Variants in WWOX observed in about 807,000 individuals in gnomAD.
The protein encoded by WWOX is WW domain containing oxidoreductase.
A neutral mutation model predicts 46.2 loss-of-function variants in WWOX; 69 were observed. The observed-to-expected ratio is 1.49, with a 90% CI of 1.23 to 1.82. WWOX has a LOEUF of 1.82. Ranked by LOEUF, WWOX falls within the 40% of genes most tolerant of loss-of-function variation. The probability of loss-of-function intolerance (pLI) is 0.00; values close to 1 mark genes in which losing one functional copy is unlikely to be tolerated. For synonymous variants in WWOX, 359 were observed against 202.6 expected, an observed-to-expected ratio of 1.77 and a Z score of -6.56; for missense variants, 919 against 542.6, an observed-to-expected ratio of 1.69 and a Z score of -6.89.
At chr16:78,881,827 T>A (rs2044348899) in intron 8 of WWOX, among the ~76,000 whole-genome samples, 1 of 152,200 alleles carries the variant, frequency 6.6e-6, no homozygotes, top group Admixed American at 6.5e-5. Context: ...CTTCTCGAAT[T>A]AGAAGAACTG....
chr16:78,657,708 T>G (rs2047113142), intron 8 of WWOX, among the ~76,000 whole-genome samples: 1 of 152,202 alleles, frequency 6.6e-6, no homozygotes, highest in African/African-American at 2.4e-5. Flanking sequence ...CACATTGCCT[T>G]TTCTAGCTTG....
At chr16:78,774,533 C>T (rs62038596) in intron 8 of WWOX, among the ~76,000 whole-genome samples, 26,287 of 118,662 alleles carry the variant, frequency 0.22, 2,375 homozygotes, top group Middle Eastern at 0.27. Context: ...TGTGTGTGTG[C>T]GCGTGCGCAC....
At chr16:78,571,919 G>T (rs1038727252) in intron 8 of WWOX, among the ~76,000 whole-genome samples, 1 of 152,166 alleles carries the variant, frequency 6.6e-6, no homozygotes, top group African/African-American at 2.4e-5. Context: ...ACACTCACCA[G>T]ATTGGCAAAA....
chr16:78,657,231 T>A (rs2047102004), intron 8 of WWOX, among the ~76,000 whole-genome samples: 1 of 151,980 alleles, frequency 6.6e-6, no homozygotes, highest in Admixed American at 6.6e-5. Flanking sequence ...TCACCCCTTT[T>A]GTTTTCATTG....
At chr16:78,524,608 A>G (rs1597210634) in intron 8 of WWOX, among the ~76,000 whole-genome samples, 1 of 151,716 alleles carries the variant, frequency 6.6e-6, no homozygotes, top group East Asian at 1.9e-4. Context: ...TTTAGTAAAG[A>G]CGGGGTTTCA....
At chr16:78,827,107 A>G (rs1029432131) in intron 8 of WWOX, among the ~76,000 whole-genome samples, 2 of 152,122 alleles carry the variant, frequency 1.3e-5, no homozygotes, top group Non-Finnish European at 2.9e-5. Context: ...TCTCCTCTCC[A>G]GAACTCCAGG....
chr16:78,222,651 C>T (rs1056436186), intron 5 of WWOX, among the ~76,000 whole-genome samples: 1 of 152,134 alleles, frequency 6.6e-6, no homozygotes, highest in East Asian at 1.9e-4. Flanking sequence ...TATTTATAGC[C>T]CTGGCGAGGC....
chr16:78,459,250 C>T (rs963946248), intron 8 of WWOX, among the ~76,000 whole-genome samples: 1 of 152,202 alleles, frequency 6.6e-6, no homozygotes, highest in African/African-American at 2.4e-5. Context: ...CGTAAGTTCA[C>T]ACTGAAAGAG....
rs144718000 is a variant in WWOX, at chr16:79,207,805, A to G, written c.1057-3803A>G. Among the ~76,000 whole-genome samples, 26 of 151,820 alleles carry G rather than the reference A, an allele frequency of 1.7e-4. No individual in the cohort carries two copies. In the East Asian group the frequency reaches 4.5e-3, roughly 26 times the overall value. On this transcript the variant is annotated intron_variant, in intron 8 of 8. Coordinates refer to ENST00000566780, the MANE Select transcript of WWOX (RefSeq NM_016373.4). ...TGTGGGTGCTTTTTTTTTCTTTACC[A>G]TATATTGTTTATCAGAAACCTCTGT...
chr16:78,366,543 T>C (rs1335777424), intron 5 of WWOX, among the ~76,000 whole-genome samples: 1 of 152,214 alleles, frequency 6.6e-6, no homozygotes, highest in African/African-American at 2.4e-5. Context: ...TATTCTAAAA[T>C]AGTGGTCAAC....
At chr16:79,096,337 C>T (rs2049072655) in intron 8 of WWOX, among the ~76,000 whole-genome samples, 1 of 152,146 alleles carries the variant, frequency 6.6e-6, no homozygotes, top group Non-Finnish European at 1.5e-5. Flanking sequence ...GCCATGCTCT[C>T]GAGCTGGCCA....
intron 8 of WWOX, among the ~76,000 whole-genome samples, chr16:78,440,584 A>G (rs1257620598): frequency 1.1e-4 from 16 of 151,874 alleles, no homozygotes. Context: ...ATTGAACACA[A>G]CTGCAGTTTG....
chr16:78,392,315 G>T (rs1018245628), intron 6 of WWOX, among the ~76,000 whole-genome samples: 1 of 152,062 alleles, frequency 6.6e-6, no homozygotes, highest in Non-Finnish European at 1.5e-5. Context: ...TGCTCCTTAC[G>T]AAAATCTAAT....
At chr16:78,556,607 C>G (rs773433833) in intron 8 of WWOX, among the ~76,000 whole-genome samples, 1 of 152,100 alleles carries the variant, frequency 6.6e-6, no homozygotes, top group African/African-American at 2.4e-5. Flanking sequence ...CCCACCACGA[C>G]TGCTGTCTGT....
chr16:78,784,330 A>T (rs1213859138), intron 8 of WWOX, among the ~76,000 whole-genome samples: 1 of 152,156 alleles, frequency 6.6e-6, no homozygotes, highest in East Asian at 1.9e-4. Flanking sequence ...TGTGACCCTG[A>T]TGAGATTACA....
At chr16:78,760,143 C>T (rs143222466) in intron 8 of WWOX, among the ~76,000 whole-genome samples, 319 of 152,210 alleles carry the variant, frequency 2.1e-3, no homozygotes, top group African/African-American at 6.9e-3. Flanking sequence ...ACAGTCATGG[C>T]GGAAGGCAAA....
intron 5 of WWOX, chr16:78,167,237 C>G (rs1162678842): frequency 6.6e-6 from 1 of 152,110 alleles, no homozygotes; most frequent in Non-Finnish European, 1.5e-5. Context: ...TGGACCTGCC[C>G]CAATTAGCGA....
intron 5 of WWOX, among the ~76,000 whole-genome samples, chr16:78,318,702 A>G (rs1245616191): frequency 1.3e-5 from 2 of 152,348 alleles, no homozygotes; most frequent in East Asian, 3.9e-4. Flanking sequence ...CTGTACATAC[A>G]TAATTTCTGT....
At chr16:78,224,052 G>A (rs1202918305) in intron 5 of WWOX, among the ~76,000 whole-genome samples, 2 of 152,258 alleles carry the variant, frequency 1.3e-5, no homozygotes, top group East Asian at 1.9e-4. Context: ...TGCCCAGGCA[G>A]GAATGCAGTG....
Sources: gnomAD v4.1 joint callset for allele counts (sites outside exome capture counted in the v4.1 genomes callset) on GRCh38, gnomAD v4.1.1 for gene constraint, MANE v1.5 for transcripts, NCBI Gene and HGNC (gene_info 2026-07-23, HGNC 2026-07-21) for gene names.